The following AKR1D1 variants were observed in gnomAD, a reference collection of about 807,000 sequenced individuals.
AKR1D1 encodes the protein delta(4)-3-ketosteroid 5-beta-reductase.
Under a neutral mutation model 42.6 loss-of-function variants are expected in AKR1D1, and 32 were observed. That is an observed-to-expected ratio of 0.75 (90% CI 0.57 to 1.01). The LOEUF is 1.01. Ranked by LOEUF, AKR1D1 falls within the 50% of genes least tolerant of loss-of-function variation. The probability of loss-of-function intolerance (pLI) is 0.00; values close to 1 mark genes in which losing one functional copy is unlikely to be tolerated. For missense variants in AKR1D1, 364 were observed against 402.2 expected (o/e 0.91, Z 0.81); for synonymous variants, 123 against 135.5 (o/e 0.91, Z 0.64).
At chr7:138,085,054 C>CAAAAAAAAAA (rs58253168) in intron 1 of AKR1D1, among the ~76,000 whole-genome samples, 2 of 70,836 alleles carry the variant, frequency 2.8e-5, no homozygotes, top group African/African-American at 1.2e-4. Flanking sequence ...GACTCCGTCT[C>CAAAAAAAAAA]AAAAAAAAAA....
At chr7:138,080,154 C>A (rs7780347) in intron 1 of AKR1D1, among the ~76,000 whole-genome samples, 1 of 152,190 alleles carries the variant, frequency 6.6e-6, no homozygotes, top group African/African-American at 2.4e-5. Context: ...TACTGTGCTT[C>A]CTTCTTAATG....
intron 7 of AKR1D1, 115 bp downstream of exon 7, chr7:138,107,695 C>T: frequency 2.6e-6 from 3 of 1,157,606 alleles, no homozygotes; most frequent in Non-Finnish European, 3.8e-6. Context: ...TTATTTTATA[C>T]CAGCCCCTTG....
At chr7:138,103,232 C>A in intron 4 of AKR1D1, among the ~76,000 whole-genome samples, 1 of 151,272 alleles carries the variant, frequency 6.6e-6, no homozygotes, top group East Asian at 1.9e-4. Flanking sequence ...AACAGATGCT[C>A]CAAAAAAAAT....
intron 2 of AKR1D1, chr7:138,091,268 A>G (rs1207638411): frequency 5.4e-6 from 1 of 185,006 alleles, no homozygotes; most frequent in African/African-American, 2.4e-5. Context: ...ATGTCACCCC[A>G]TTAGTCACCA....
At chr7:138,092,235 C>T (rs1277343748) in intron 3 of AKR1D1, among the ~76,000 whole-genome samples, 1 of 152,166 alleles carries the variant, frequency 6.6e-6, no homozygotes, top group Non-Finnish European at 1.5e-5. Context: ...GTTTTTACAA[C>T]TATAGTTTAA....
chr7:138,105,907 A>C (rs10244250), intron 5 of AKR1D1, among the ~76,000 whole-genome samples: 117,075 of 151,454 alleles, frequency 0.77, 45,455 homozygotes, highest in African/African-American at 0.8. Flanking sequence ...ACAACAAAAA[A>C]AAATCTAATG....
chr7:138,097,722 G>A (rs1794209807), intron 3 of AKR1D1, 144 bp from the exon 4 acceptor site: 2 of 744,576 alleles, frequency 2.7e-6, no homozygotes, highest in South Asian at 3.7e-5. Flanking sequence ...GGGCCGCTAT[G>A]ACAAAATACT....
rs564104592 is a variant in AKR1D1 at position 138,082,944 on chromosome 7, G to A, written c.94-5657G>A. ...AGGTTGTTTCCATATCTTAGCTATT[G>A]TGAATAATGCTACAGTGAACATGGA... On this transcript the variant is annotated intron_variant, in intron 1 of 8. Transcript: ENST00000242375. Among the ~76,000 whole-genome samples, 10 of 152,200 alleles carry A rather than the reference G, an allele frequency of 6.6e-5. No individual in the cohort carries two copies. The South Asian group carries it at 2.1e-3, about 32-fold the overall frequency.
intron 4 of AKR1D1, among the ~76,000 whole-genome samples, chr7:138,100,696 A>ATCC (rs1794283709): frequency 1.0e-5 from 1 of 96,916 alleles, no homozygotes; most frequent in African/African-American, 4.4e-5. Flanking sequence ...ATAGTCAGAG[A>ATCC]TTCTTTTTTT....
intron 1 of AKR1D1, among the ~76,000 whole-genome samples, chr7:138,081,537 TTTTTTG>T (rs1803057223): frequency 1.7e-5 from 2 of 117,034 alleles, no homozygotes; most frequent in East Asian, 2.4e-4. Flanking sequence ...TTTTTTTTTT[TTTTTTG>T]AGACAGACTT....
chr7:138,091,952 G>A, intron 3 of AKR1D1, 68 bp downstream of exon 3: 1 of 857,094 alleles, frequency 1.2e-6, no homozygotes, highest in Non-Finnish European at 2.0e-6. Flanking sequence ...CTATGTGCAT[G>A]AAGCTCTGCA....
intron 1 of AKR1D1, among the ~76,000 whole-genome samples, chr7:138,082,047 A>G (rs1803070292): frequency 6.6e-6 from 1 of 152,202 alleles, no homozygotes; most frequent in Admixed American, 6.5e-5. Context: ...TGCCTGGAGC[A>G]CGTGTTCCAA....
intron 4 of AKR1D1, among the ~76,000 whole-genome samples, chr7:138,101,191 C>CCCTT (rs1222751373): frequency 0.011 from 219 of 20,416 alleles, 1 homozygote; most frequent in Admixed American, 0.029. Flanking sequence ...CTCCCTCCCT[C>CCCTT]CCTTCCTTCC....
At chr7:138,105,827 G>A (rs1794412561) in intron 5 of AKR1D1, among the ~76,000 whole-genome samples, 1 of 152,150 alleles carries the variant, frequency 6.6e-6, no homozygotes, top group South Asian at 2.1e-4. Flanking sequence ...GGAGGTTGCA[G>A]TGAGCCGAGA....
intron 3 of AKR1D1, 72 bp from the exon 4 acceptor site, chr7:138,097,794 T>A: frequency 1.7e-6 from 2 of 1,207,378 alleles, no homozygotes; most frequent in Non-Finnish European, 2.4e-6. Flanking sequence ...GACTGGGAAG[T>A]CTAAATTCTA....
Position 138,118,198 on chromosome 7 carries a change from G to T in AKR1D1, c.*1536G>T, listed in dbSNP as rs1794678859. Among the ~76,000 whole-genome samples, 1 of 152,020 alleles carries T rather than the reference G, an allele frequency of 6.6e-6. No homozygotes were observed. The highest frequency in any genetic ancestry group is 1.5e-5 in the Non-Finnish European group (1 of 68,014). ...AGAAATTATCATTTTAAAAAATTTGGTCTATACTGATTGTTTTCACTGATT... is the reference window on the plus strand; with the variant it reads ...AGAAATTATCATTTTAAAAAATTTGTTCTATACTGATTGTTTTCACTGATT... On this transcript the variant is annotated 3_prime_UTR_variant, in exon 9 of 9. Coordinates refer to ENST00000242375, the MANE Select transcript of AKR1D1 (RefSeq NM_005989.4).
chr7:138,097,621 T>C (rs1250094308), intron 3 of AKR1D1, among the ~76,000 whole-genome samples: 5 of 152,196 alleles, frequency 3.3e-5, no homozygotes, highest in Non-Finnish European at 7.4e-5. Flanking sequence ...CTCTAACAGA[T>C]GCAGGTGTCA....
chr7:138,105,249 C>T, intron 4 of AKR1D1, 58 bp from the exon 5 acceptor site: 2 of 1,612,130 alleles, frequency 1.2e-6, no homozygotes, highest in South Asian at 2.2e-5. Context: ...CCCTTATAAA[C>T]ATTCATTCTT....
Position 138,091,712 on chromosome 7 carries a change from C to G in AKR1D1, c.262-56C>G, listed in dbSNP as rs150580784. 3,893 of 1,341,122 alleles carry G rather than the reference C, an allele frequency of 2.9e-3. 16 individuals carry two copies. The highest frequency in any genetic ancestry group is 3.6e-3 in the Non-Finnish European group (3,314 of 931,386). The allele number at this position is 1,341,122 out of a possible 1,614,324, so 83.1% of individuals were successfully genotyped here. On this transcript the variant is annotated intron_variant, in intron 2 of 8. Transcript: ENST00000242375. ...GTGTTTTACAAAGAAAAAGGGGCTG[C>G]CTTATCGTAAAAAGCGTGTAGACAT... is the stretch of plus-strand genomic sequence containing the variant.
Sources: allele counts gnomAD v4.1 joint callset (sites outside exome capture counted in the v4.1 genomes callset), GRCh38; gene constraint gnomAD v4.1.1; transcripts MANE v1.5; gene names NCBI Gene and HGNC (gene_info 2026-07-23, HGNC 2026-07-21).